The following STAT4 variants were observed in gnomAD, a reference collection of about 807,000 sequenced individuals.
STAT4 encodes the protein signal transducer and activator of transcription 4.
A neutral mutation model predicts 110.5 loss-of-function variants in STAT4; 42 were observed. That is an observed-to-expected ratio of 0.38 (90% CI 0.30 to 0.49). The LOEUF is 0.49. STAT4 is among the 20% of genes least tolerant of loss of function. The probability of loss-of-function intolerance (pLI) is 0.95; values close to 1 mark genes in which losing one functional copy is unlikely to be tolerated. For missense variants in STAT4, 632 were observed against 887.9 expected (o/e 0.71, Z 3.66); for synonymous variants, 284 against 302.2 (o/e 0.94, Z 0.63).
Position 191,114,469 on chromosome 2 carries a change from G to T in STAT4, c.273+32144C>A, listed in dbSNP as rs143289312. Among the ~76,000 whole-genome samples, 450 of 152,242 alleles carry T rather than the reference G, an allele frequency of 3.0e-3. 1 individual carries two copies. The highest frequency in any genetic ancestry group is 0.01 in the African/African-American group (416 of 41,526). ...GAAGAAACGATATATTTAAAAATAAGCATTTCAGTATCGTTTTTCTTACTG... is the reference window on the plus strand; with the variant it reads ...GAAGAAACGATATATTTAAAAATAATCATTTCAGTATCGTTTTTCTTACTG... On this transcript the variant is annotated intron_variant, in intron 3 of 23. Coordinates refer to ENST00000392320, the MANE Select transcript of STAT4 (RefSeq NM_003151.4).
At chr2:191,079,865 T>A (rs1330026020) in intron 3 of STAT4, among the ~76,000 whole-genome samples, 1 of 152,142 alleles carries the variant, frequency 6.6e-6, no homozygotes, top group South Asian at 2.1e-4. Context: ...ATTAATATCT[T>A]GTAAATGTTT....
intron 14 of STAT4, among the ~76,000 whole-genome samples, chr2:191,044,601 G>A (rs568299494): frequency 2.0e-5 from 3 of 152,126 alleles, no homozygotes; most frequent in African/African-American, 7.2e-5. Context: ...GAAGGGGGTG[G>A]GACTCCCTAG....
rs1696763149 is a variant in STAT4 at position 191,058,438 on chromosome 2, C to T, written c.1095-219G>A. 2.0e-5 allele frequency among the ~76,000 whole-genome samples: 3 copies of T among 152,168 alleles called. No homozygotes were observed. In the South Asian group the frequency reaches 6.2e-4, roughly 31 times the overall value. ...TCAGCCTCCTGAGTAGCTGGGATTA[C>T]AGGCATGAGCCGCCGCACCCGGTCT... is the stretch of plus-strand genomic sequence containing the variant. On this transcript the variant is annotated intron_variant, in intron 11 of 23. Transcript: ENST00000392320. This position sits in a 1 kb window ranked among gnomAD's most constrained non-coding sequence, Gnocchi z 4.3.
chr2:191,087,487 G>A (rs1290208060), intron 3 of STAT4, among the ~76,000 whole-genome samples: 19 of 152,074 alleles, frequency 1.2e-4, no homozygotes, highest in Admixed American at 1.2e-3. Flanking sequence ...CTCCATTAAT[G>A]CAACCACGCT....
chr2:191,124,178 C>T (rs1698814030), intron 3 of STAT4, among the ~76,000 whole-genome samples: 3 of 152,066 alleles, frequency 2.0e-5, no homozygotes, highest in African/African-American at 2.4e-5. Flanking sequence ...ATACTGAGGC[C>T]GGGCACAGTG....
intron 3 of STAT4, among the ~76,000 whole-genome samples, chr2:191,081,241 T>C (rs1412130462): frequency 6.6e-6 from 1 of 152,244 alleles, no homozygotes; most frequent in East Asian, 1.9e-4. Flanking sequence ...GAGTCTATCA[T>C]TGATGAGCAT....
chr2:191,075,834 TTTC>T (rs1373145105), intron 4 of STAT4, among the ~76,000 whole-genome samples: 47 of 133,992 alleles, frequency 3.5e-4, no homozygotes, highest in African/African-American at 1.6e-3. Flanking sequence ...CCTTTCTTTC[TTTC>T]TTTTTTTTTT....
chr2:191,103,213 T>A (rs1698189891), intron 3 of STAT4, among the ~76,000 whole-genome samples: 1 of 152,184 alleles, frequency 6.6e-6, no homozygotes, highest in African/African-American at 2.4e-5. Context: ...GCCAGTCTCT[T>A]GTTACGTGGA....
rs374097411 is a variant in STAT4, at chr2:191,066,412, T to C, written c.630+18A>G. The C allele has an allele frequency of 3.9e-5, 62 of 1,608,340 alleles. No individual in the cohort carries two copies. The highest frequency in any genetic ancestry group is 1.6e-4 in the Middle Eastern group (1 of 6,066). Reference sequence around the variant, plus strand: ...GGAGAAAAATAGGCAAAAGCCCAAATTAAAATTCTTCACTAACCTTTCTCT... The same window carrying C: ...GGAGAAAAATAGGCAAAAGCCCAAACTAAAATTCTTCACTAACCTTTCTCT... On this transcript the variant is annotated intron_variant, in intron 7 of 23. Coordinates refer to ENST00000392320, the MANE Select transcript of STAT4 (RefSeq NM_003151.4). The surrounding 1 kb of genome is among the most constrained non-coding windows in gnomAD (Gnocchi z 4.3).
intron 3 of STAT4, among the ~76,000 whole-genome samples, chr2:191,145,521 T>A (rs1305862893): frequency 1.3e-5 from 2 of 152,188 alleles, no homozygotes; most frequent in African/African-American, 4.8e-5. Context: ...CAGATTGCTG[T>A]ATGCTGCCAA....
Position 191,061,740 on chromosome 2 carries a change from A to G in STAT4, c.1023T>C (p.Thr341=), listed in dbSNP as rs1696855813. 1.2e-6 allele frequency: 2 copies of G among 1,614,010 alleles called. No homozygotes were observed. Among genetic ancestry groups the G allele is most frequent in the Non-Finnish European group, 1.7e-6 (2 of 1,179,878 alleles). The part of the protein sequence containing the change: ...PLVLKTLIQF[T]VKLRLLIKLP... ...ATGTTTTTGCCTACCTTAGTTTTAC[A>G]GTGAACTGAATTAGGGTTTTAAGTA... The change falls in exon 10 of 24, where the codon ACT becomes ACC. Residue 341 remains threonine, a synonymous_variant. Transcript: ENST00000392320. This position sits in a 1 kb window ranked among gnomAD's most constrained non-coding sequence, Gnocchi z 6.2.
chr2:191,146,795 C>T lies in STAT4; in HGVS notation c.129-38G>A, dbSNP rs1699473825. 47 of 1,447,626 alleles carry T rather than the reference C, an allele frequency of 3.2e-5. No individual in the cohort carries two copies. The highest frequency in any genetic ancestry group is 4.3e-5 in the Non-Finnish European group (47 of 1,095,518). 89.7% of individuals were successfully genotyped at this position (1,447,626 alleles called of 1,614,324 possible). ...AGGATTATTACACAACAGAAAACAA[C>T]TTTGTAAAATGTCTACTTTTTTACC... On this transcript the variant is annotated intron_variant, in intron 2 of 23. Transcript: ENST00000392320. This position sits in a 1 kb window ranked among gnomAD's most constrained non-coding sequence, Gnocchi z 4.5.
At position 191,127,961 on chromosome 2, in the gene STAT4, C is replaced by A. The variant is rs139415272; in HGVS notation, c.273+18652G>T. Among the ~76,000 whole-genome samples, 5 of 152,278 alleles carry A rather than the reference C, an allele frequency of 3.3e-5. No homozygotes were observed. The East Asian group carries it at 9.6e-4, about 29-fold the overall frequency. On this transcript the variant is annotated intron_variant, in intron 3 of 23. Coordinates refer to ENST00000392320, the MANE Select transcript of STAT4 (RefSeq NM_003151.4). ...GAAATTTCAGGTGGTTGGAGTCTTC[C>A]GTTGATCATATTGGATTTCAACTTA...
At position 191,059,854 on chromosome 2, in the gene STAT4, G is replaced by A. The variant is rs1696802385; in HGVS notation, c.1035-1085C>T. Among the ~76,000 whole-genome samples, 1 of 152,114 alleles carries A rather than the reference G, an allele frequency of 6.6e-6. No individual in the cohort carries two copies. The highest frequency in any genetic ancestry group is 2.1e-4 in the South Asian group (1 of 4,828). On this transcript the variant is annotated intron_variant, in intron 10 of 23. Coordinates refer to ENST00000392320, the MANE Select transcript of STAT4 (RefSeq NM_003151.4). This position sits in a 1 kb window ranked among gnomAD's most constrained non-coding sequence, Gnocchi z 4.7. Reference sequence around the variant, plus strand: ...ATTGGTGGTGAATGGTGAGAAGGGGGCATAGTCACATAAAATCAGGCCAGA... The same window carrying A: ...ATTGGTGGTGAATGGTGAGAAGGGGACATAGTCACATAAAATCAGGCCAGA...
chr2:191,069,829 C>A, intron 5 of STAT4, 58 bp from the exon 6 acceptor site: 5 of 1,376,952 alleles, frequency 3.6e-6, no homozygotes, highest in Non-Finnish European at 5.0e-6. Flanking sequence ...GTCAATCAAA[C>A]AACATCATAA....
At position 191,094,705 on chromosome 2, in the gene STAT4, G is replaced by A. The variant is rs919253890; in HGVS notation, c.274-18380C>T. On this transcript the variant is annotated intron_variant, in intron 3 of 23. Coordinates refer to ENST00000392320, the MANE Select transcript of STAT4 (RefSeq NM_003151.4). Reference sequence around the variant, plus strand: ...AACTAATGGGCAAAATAACAAGCCAGCATCATAATGACAGGATCAAACTCA... The same window carrying A: ...AACTAATGGGCAAAATAACAAGCCAACATCATAATGACAGGATCAAACTCA... Among the ~76,000 whole-genome samples, 5 of 152,024 alleles carry A rather than the reference G, an allele frequency of 3.3e-5. No homozygotes were observed. In the South Asian group the frequency reaches 6.2e-4, roughly 19 times the overall value.
chr2:191,137,720 T>C (rs1466638998), intron 3 of STAT4, among the ~76,000 whole-genome samples: 4 of 152,150 alleles, frequency 2.6e-5, no homozygotes, highest in African/African-American at 9.7e-5. Flanking sequence ...TCCACATATT[T>C]ACAGCCAACT....
chr2:191,136,024 C>A (rs13417991), intron 3 of STAT4, among the ~76,000 whole-genome samples: 1,470 of 43,070 alleles, frequency 0.034, 52 homozygotes, highest in African/African-American at 0.074. Flanking sequence ...AAAAAAAAAC[C>A]AAAAAACAAA....
In STAT4 at chr2:191,150,418, C is replaced by G. The variant is rs1699564093; in HGVS notation, c.-2+529G>C. 6.6e-6 allele frequency among the ~76,000 whole-genome samples: 1 copy of G among 152,160 alleles called. No homozygotes were observed. The highest frequency in any genetic ancestry group is 2.4e-5 in the African/African-American group (1 of 41,424). ...TTTTGCGTGCATTTCCTAGAAGATC[C>G]CACTAAAGGGGCATTTTGTCCCACC... On this transcript the variant is annotated intron_variant, in intron 1 of 23. Transcript: ENST00000392320. The surrounding 1 kb of genome is among the most constrained non-coding windows in gnomAD (Gnocchi z 6.4).
Sources: gnomAD v4.1 joint callset for allele counts (sites outside exome capture counted in the v4.1 genomes callset) on GRCh38, gnomAD v4.1.1 for gene constraint, Gnocchi (gnomAD v3.1) non-coding constraint, MANE v1.5 for transcripts, NCBI Gene and HGNC (gene_info 2026-07-23, HGNC 2026-07-21) for gene names.